DOCK5: variants seen among roughly 807,000 people sequenced by gnomAD.
DOCK5 encodes dedicator of cytokinesis protein 5.
In DOCK5, 142 loss-of-function variants were observed where a neutral mutation model predicts 251.8. The observed-to-expected ratio is 0.56, with a 90% confidence interval of 0.49 to 0.65. The LOEUF is 0.65. Ranked by LOEUF, DOCK5 falls within the 30% of genes least tolerant of loss-of-function variation. DOCK5 has a pLI of 0.00. For missense variants in DOCK5, 2,111 were observed against 2,312.3 expected, an observed-to-expected ratio of 0.91 and a Z score of 1.79; for synonymous variants, 842 against 835.5, an observed-to-expected ratio of 1.01 and a Z score of -0.13.
chr8:25,331,230 G>GACAC (rs60869427), intron 18 of DOCK5, among the ~76,000 whole-genome samples: 9,193 of 140,286 alleles, frequency 0.066, 320 homozygotes, highest in African/African-American at 0.095. Flanking sequence ...GTTTCTCTGT[G>GACAC]ACACACACAC....
At chr8:25,258,975 T>C (rs1586272527) in intron 2 of DOCK5, among the ~76,000 whole-genome samples, 1 of 152,056 alleles carries the variant, frequency 6.6e-6, no homozygotes, top group East Asian at 1.9e-4. Flanking sequence ...AAAAATTAGC[T>C]GGGCTTGGTG....
At position 25,368,702 on chromosome 8, in the gene DOCK5, A is replaced by T. The variant is rs746969156; in HGVS notation, c.3415A>T (p.Ser1139Cys). Residue 1139 changes from serine to cysteine, a missense_variant, in exon 33 of 52, where the codon AGT becomes TGT. Ser to Cys is a moderately radical substitution (Grantham distance 112). Coordinates refer to ENST00000276440, the MANE Select transcript of DOCK5 (RefSeq NM_024940.8). ...FDMMQCEFNF[S>C]GNGNFHMFEN... ...TATGATGCAGTGTGAGTTCAATTTC[A>T]GTGGAAATGGCAATTTCCATATGGT... is the stretch of plus-strand genomic sequence containing the variant. 4.8e-5 allele frequency: 77 copies of T among 1,613,218 alleles called. No homozygotes were observed. The highest frequency in any genetic ancestry group is 6.3e-5 in the Non-Finnish European group (74 of 1,179,720).
At chr8:25,194,560 G>A (rs535755588) in intron 1 of DOCK5, among the ~76,000 whole-genome samples, 188 of 152,014 alleles carry the variant, frequency 1.2e-3, no homozygotes, top group Middle Eastern at 6.8e-3. Context: ...CTCATCCCCC[G>A]CCTTGGCTCT....
At chr8:25,294,980 C>G (rs1214036978) in intron 6 of DOCK5, among the ~76,000 whole-genome samples, 1 of 152,138 alleles carries the variant, frequency 6.6e-6, no homozygotes, top group African/African-American at 2.4e-5. Context: ...CCCCCATGAT[C>G]CAATCACCTC....
At chr8:25,232,404 C>T (rs572710841) in intron 1 of DOCK5, among the ~76,000 whole-genome samples, 4 of 152,296 alleles carry the variant, frequency 2.6e-5, no homozygotes, top group Non-Finnish European at 5.9e-5. Flanking sequence ...GCCAGTTTGG[C>T]TACATGTCTA....
At chr8:25,397,441 G>T (rs1179225690) in intron 45 of DOCK5, among the ~76,000 whole-genome samples, 1 of 152,164 alleles carries the variant, frequency 6.6e-6, no homozygotes, top group African/African-American at 2.4e-5. Flanking sequence ...CTGCCACTAT[G>T]ATCGTCTTCT....
At chr8:25,300,997 C>T (rs882903) in intron 9 of DOCK5, among the ~76,000 whole-genome samples, 109,428 of 152,078 alleles carry the variant, frequency 0.72, 40,988 homozygotes, top group Non-Finnish European at 0.83. Context: ...CTCAGGAGTT[C>T]GAGACCAGTC....
At chr8:25,318,358 G>A (rs534646644) in intron 14 of DOCK5, among the ~76,000 whole-genome samples, 2 of 152,180 alleles carry the variant, frequency 1.3e-5, no homozygotes, top group African/African-American at 2.4e-5. Flanking sequence ...CAAAGTGCTG[G>A]GATTACAGGC....
intron 20 of DOCK5, 62 bp from the exon 21 acceptor site, chr8:25,334,034 G>A (rs1393942207): frequency 1.5e-6 from 2 of 1,296,210 alleles, no homozygotes; most frequent in Admixed American, 1.7e-5. Context: ...TTAAAATGCG[G>A]CTTGTTGACA....
At chr8:25,320,549 C>T (rs60631720) in intron 15 of DOCK5, among the ~76,000 whole-genome samples, 2,859 of 152,262 alleles carry the variant, frequency 0.019, 77 homozygotes, top group African/African-American at 0.064. Flanking sequence ...TTCTTCTCTC[C>T]CCTGTAGATA....
At chr8:25,200,266 G>A (rs961705358) in intron 1 of DOCK5, among the ~76,000 whole-genome samples, 2 of 152,146 alleles carry the variant, frequency 1.3e-5, no homozygotes, top group African/African-American at 2.4e-5. Flanking sequence ...GTTTCTCTGA[G>A]TTTATCTTAC....
In DOCK5 at chr8:25,400,970, A is replaced by G. The variant is rs1801429062; in HGVS notation, c.4830A>G (p.Lys1610=). The G allele has an allele frequency of 6.2e-7, 1 of 1,613,882 alleles. No homozygotes were observed. Among genetic ancestry groups the G allele is most frequent in the African/African-American group, 1.3e-5 (1 of 75,004 alleles). ...LTEGIRIHGE[K]LTEQLKPLHE... Reference sequence around the variant, plus strand: ...AAGGGATCCGCATCCATGGGGAGAAACTCACAGAGCAGCTGAAGCCGCTGC... The same window carrying G: ...AAGGGATCCGCATCCATGGGGAGAAGCTCACAGAGCAGCTGAAGCCGCTGC... Residue 1610 remains lysine, a synonymous_variant, in exon 47 of 52, where the codon AAA becomes AAG. Coordinates refer to ENST00000276440, the MANE Select transcript of DOCK5 (RefSeq NM_024940.8).
rs557869758 is a variant in DOCK5 at position 25,330,943 on chromosome 8, T to C, written c.1904-1308T>C. 1.5e-4 allele frequency among the ~76,000 whole-genome samples: 22 copies of C among 151,692 alleles called. No homozygotes were observed. The South Asian group carries it at 4.2e-3, about 29-fold the overall frequency. On this transcript the variant is annotated intron_variant, in intron 18 of 51. Coordinates refer to ENST00000276440, the MANE Select transcript of DOCK5 (RefSeq NM_024940.8). ...AAATACAAAAATTAGCCAGGTGTGG[T>C]GGTGCACCTGTAGTCCCAGCTACTC...
intron 1 of DOCK5, among the ~76,000 whole-genome samples, chr8:25,186,989 C>T (rs1022066360): frequency 6.6e-6 from 1 of 151,576 alleles, no homozygotes; most frequent in African/African-American, 2.4e-5. Flanking sequence ...TGCTTGAGCC[C>T]AGGAGTTCAA....
At position 25,399,954 on chromosome 8, in the gene DOCK5, A is replaced by G. The variant is rs371029714; in HGVS notation, c.4748A>G (p.Gln1583Arg). Residue 1583 changes from glutamine to arginine, a missense_variant, in exon 46 of 52, where the codon CAG (glutamine) becomes CGG (arginine). By Grantham distance (43) the Gln-to-Arg change is conservative. Transcript: ENST00000276440. ...TACTTGCAGGAGCATCCTGAAGACCAGGAGAAGGTTGAGCTGCTAAAGCGA... is the reference window on the plus strand; with the variant it reads ...TACTTGCAGGAGCATCCTGAAGACCGGGAGAAGGTTGAGCTGCTAAAGCGA... ...EKYLQEHPEDQEKVELLKRLI... is the reference protein window; with the variant it reads ...EKYLQEHPEDREKVELLKRLI... 1.2e-6 allele frequency: 2 copies of G among 1,613,756 alleles called. No individual in the cohort carries two copies.
At chr8:25,386,251 G>A (rs914199010) in intron 40 of DOCK5, among the ~76,000 whole-genome samples, 1 of 152,126 alleles carries the variant, frequency 6.6e-6, no homozygotes, top group Non-Finnish European at 1.5e-5. Flanking sequence ...AACCGTGGTT[G>A]GGGATGAGGT....
intron 11 of DOCK5, among the ~76,000 whole-genome samples, chr8:25,306,975 T>C (rs1804958491): frequency 6.6e-6 from 1 of 152,238 alleles, no homozygotes; most frequent in Non-Finnish European, 1.5e-5. Context: ...AGCAAGCTAC[T>C]GTACTGAATA....
Position 25,400,010 on chromosome 8 carries a change from C to T in DOCK5, c.4788+16C>T. ...AGCATTACAGGTACAGGACGGCTTT[C>T]CTCTACACTCCCAGGGAGGCCACAG... On this transcript the variant is annotated intron_variant, in intron 46 of 51. Coordinates refer to ENST00000276440, the MANE Select transcript of DOCK5 (RefSeq NM_024940.8). The T allele has an allele frequency of 6.2e-7, 1 of 1,607,754 alleles. No individual in the cohort carries two copies. The highest frequency in any genetic ancestry group is 1.1e-5 in the South Asian group (1 of 90,434).
intron 2 of DOCK5, among the ~76,000 whole-genome samples, chr8:25,267,312 A>T (rs908759620): frequency 6.6e-6 from 1 of 152,158 alleles, no homozygotes; most frequent in Admixed American, 6.5e-5. Flanking sequence ...ATAGTACCCC[A>T]CGCCTCCCTG....
Sources: allele counts gnomAD v4.1 joint callset (sites outside exome capture counted in the v4.1 genomes callset), GRCh38; gene constraint gnomAD v4.1.1; transcripts MANE v1.5; gene names NCBI Gene and HGNC (gene_info 2026-07-23, HGNC 2026-07-21).